The following GSTCD variants were observed in gnomAD, a reference collection of about 807,000 sequenced individuals.
GSTCD encodes glutathione S-transferase C-terminal domain-containing protein.
Under a neutral mutation model 68.3 loss-of-function variants are expected in GSTCD, and 44 were observed. The observed-to-expected ratio is 0.64, with a 90% CI of 0.51 to 0.83. The LOEUF (loss-of-function observed/expected upper bound fraction) is 0.83. Among genes scored for constraint, GSTCD ranks in the 40% least tolerant of loss-of-function variants. The pLI, the probability that GSTCD is intolerant of heterozygous loss-of-function variation, is 0.00. For missense variants in GSTCD, 739 were observed against 735.9 expected (o/e 1.00, Z -0.05); for synonymous variants, 273 against 255.2 (o/e 1.07, Z -0.67).
Position 105,717,949 on chromosome 4 carries a change from A to G in GSTCD, c.336A>G (p.Ile112Met). The change falls in exon 2 of 12, where the codon ATA (isoleucine) becomes ATG (methionine). Residue 112 changes from isoleucine to methionine, a missense_variant. Ile to Met is a conservative substitution (Grantham distance 10, BLOSUM62 1). Transcript: ENST00000515279. The stretch of plus-strand genomic sequence containing the variant: ...GACTTGCTGTTGTATTGAGACACAT[A>G]ATCCAGAAATCCTATGAAGCAGACC... ...RAGLAVVLRH[I>M]IQKSYEADPL... 4 of 1,614,048 alleles carry G rather than the reference A, an allele frequency of 2.5e-6. No individual in the cohort carries two copies. The highest frequency in any genetic ancestry group is 3.4e-6 in the Non-Finnish European group (4 of 1,179,954).
chr4:105,731,096 G>A lies in GSTCD; in HGVS notation c.1240+1597G>A, dbSNP rs573316118. 2.5e-3 allele frequency among the ~76,000 whole-genome samples: 384 copies of A among 152,286 alleles called. 2 individuals are homozygous for A. Among genetic ancestry groups the A allele is most frequent in the African/African-American group, 8.6e-3 (358 of 41,560 alleles). On this transcript the variant is annotated intron_variant, in intron 5 of 11. Coordinates refer to ENST00000515279, the MANE Select transcript of GSTCD (RefSeq NM_001370181.1). The stretch of plus-strand genomic sequence containing the variant: ...TTCTGTTCCATTGGTCTATATCTCT[G>A]TTTTGGTACCAGTACCATGCTGTTT...
chr4:105,843,314 C>T (rs1292262221), intron 11 of GSTCD, among the ~76,000 whole-genome samples: 1 of 152,212 alleles, frequency 6.6e-6, no homozygotes, highest in East Asian at 1.9e-4. Context: ...ACCTCTTTGT[C>T]TTTCAATGCC....
intron 5 of GSTCD, among the ~76,000 whole-genome samples, chr4:105,739,260 G>T (rs947216227): frequency 7.2e-5 from 11 of 152,180 alleles, no homozygotes; most frequent in African/African-American, 2.6e-4. Context: ...GAGGATTTTT[G>T]CATCACTCTT....
rs1723570771 is a variant in GSTCD, at chr4:105,825,735, G to A, written c.1465G>A (p.Gly489Ser). 2 of 1,541,110 alleles carry A rather than the reference G, an allele frequency of 1.3e-6. No individual in the cohort carries two copies. The highest frequency in any genetic ancestry group is 9.0e-7 in the Non-Finnish European group (1 of 1,115,276). The change falls in exon 8 of 12, where the codon GGT becomes AGT. Residue 489 changes from glycine to serine, a missense_variant. Transcript: ENST00000515279. ...IRAKKRSDEL[G>S]LSNIWFIQAN... is the part of the protein sequence containing the mutation. ...TGCTAAGAAGAGAAGTGATGAACTG[G>A]GTTTAAGCAACATTTGGTTCATTCA...
chr4:105,743,144 G>A (rs1733687748), intron 5 of GSTCD, among the ~76,000 whole-genome samples: 1 of 151,934 alleles, frequency 6.6e-6, no homozygotes, highest in South Asian at 2.1e-4. Flanking sequence ...TAGAGACGGG[G>A]TTTCACCATG....
At chr4:105,807,774 T>C (rs1418029206) in intron 5 of GSTCD, among the ~76,000 whole-genome samples, 5 of 152,220 alleles carry the variant, frequency 3.3e-5, no homozygotes, top group East Asian at 3.9e-4. Flanking sequence ...TTGGTTGATA[T>C]GGTGTCTGTC....
chr4:105,733,170 T>A (rs1325633494), intron 5 of GSTCD, among the ~76,000 whole-genome samples: 1 of 152,184 alleles, frequency 6.6e-6, no homozygotes, highest in Non-Finnish European at 1.5e-5. Flanking sequence ...TTCTGTTGAT[T>A]TGGGATGGAG....
chr4:105,772,101 T>C (rs1734873115), intron 5 of GSTCD, among the ~76,000 whole-genome samples: 2 of 152,206 alleles, frequency 1.3e-5, no homozygotes, highest in South Asian at 4.1e-4. Context: ...GTAAGTTGTA[T>C]TCCTAGGTAT....
chr4:105,739,942 G>C (rs1047130315), intron 5 of GSTCD, among the ~76,000 whole-genome samples: 3 of 152,116 alleles, frequency 2.0e-5, no homozygotes, highest in African/African-American at 7.2e-5. Context: ...GGGGCTAGGA[G>C]GAGTGCATGA....
chr4:105,751,762 C>T (rs771773645), intron 5 of GSTCD, among the ~76,000 whole-genome samples: 1 of 152,060 alleles, frequency 6.6e-6, no homozygotes, highest in African/African-American at 2.4e-5. Flanking sequence ...TTCTTTCATA[C>T]TGAAAGCTTA....
chr4:105,773,473 C>T (rs1004870069), intron 5 of GSTCD, among the ~76,000 whole-genome samples: 2 of 152,146 alleles, frequency 1.3e-5, no homozygotes, highest in African/African-American at 4.8e-5. Flanking sequence ...TTAGATCTTT[C>T]CTGCTTTCTC....
chr4:105,735,484 A>T (rs1733429350), intron 5 of GSTCD, among the ~76,000 whole-genome samples: 1 of 152,168 alleles, frequency 6.6e-6, no homozygotes, highest in Non-Finnish European at 1.5e-5. Flanking sequence ...CAGGCACGGG[A>T]TATAATCTCC....
chr4:105,717,889 A>G lies in GSTCD; in HGVS notation c.276A>G (p.Ala92=). 2.5e-6 allele frequency: 4 copies of G among 1,614,168 alleles called. No homozygotes were observed. The highest frequency in any genetic ancestry group is 3.4e-6 in the Non-Finnish European group (4 of 1,180,016). The change falls in exon 2 of 12, where the codon GCA becomes GCG. Residue 92 remains alanine, a synonymous_variant. Transcript: ENST00000515279. ...TAGTCCAAAATTGCTGTTTGCCTGCAGTAGTAGAACGATCAGACAATTTTT... is the reference window on the plus strand; with the variant it reads ...TAGTCCAAAATTGCTGTTTGCCTGCGGTAGTAGAACGATCAGACAATTTTT... ...PPIVQNCCLP[A]VVERSDNFCR... is the part of the protein sequence containing the mutation.
intron 6 of GSTCD, 26 bp from the exon 7 acceptor site, chr4:105,823,205 C>T: frequency 5.6e-6 from 9 of 1,613,100 alleles, no homozygotes; most frequent in Non-Finnish European, 6.8e-6. Flanking sequence ...CCAAAGCTAA[C>T]TTGTTTGTCT....
At chr4:105,798,696 G>A (rs1313764727) in intron 5 of GSTCD, among the ~76,000 whole-genome samples, 1 of 107,790 alleles carries the variant, frequency 9.3e-6, no homozygotes, top group East Asian at 2.9e-4. Flanking sequence ...TCTCAATAAT[G>A]GTCTTGAAAT....
intron 5 of GSTCD, chr4:105,753,111 C>T (rs958934933): frequency 6.6e-6 from 1 of 151,902 alleles, no homozygotes; most frequent in Non-Finnish European, 1.5e-5. Context: ...TTCCATTGAT[C>T]ACAAATCCTG....
At chr4:105,790,479 A>C (rs904640769) in intron 5 of GSTCD, among the ~76,000 whole-genome samples, 2 of 152,056 alleles carry the variant, frequency 1.3e-5, no homozygotes, top group African/African-American at 4.8e-5. Flanking sequence ...GTCTGTAAAA[A>C]AATTTTAAAA....
chr4:105,821,609 C>T (rs927724502), intron 5 of GSTCD, among the ~76,000 whole-genome samples: 1 of 151,574 alleles, frequency 6.6e-6, no homozygotes, highest in Non-Finnish European at 1.5e-5. Context: ...GTATGATGCT[C>T]ACATCATTAC....
chr4:105,822,389 T>C (rs1015834146), intron 5 of GSTCD, among the ~76,000 whole-genome samples: 1 of 152,102 alleles, frequency 6.6e-6, no homozygotes, highest in African/African-American at 2.4e-5. Context: ...TTTCAGACAA[T>C]GTAACACCTG....
Sources: allele counts gnomAD v4.1 joint callset (sites outside exome capture counted in the v4.1 genomes callset), GRCh38; gene constraint gnomAD v4.1.1; transcripts MANE v1.5; gene names NCBI Gene and HGNC (gene_info 2026-07-23, HGNC 2026-07-21).